The following PARG variants were observed in gnomAD, a reference collection of about 807,000 sequenced individuals.
PARG encodes the protein poly(ADP-ribose) glycohydrolase, also known as mitochondrial poly(ADP-ribose) glycohydrolase.
Under a neutral mutation model 113.0 loss-of-function variants are expected in PARG, and 35 were observed. The observed-to-expected ratio is 0.31, with a 90% CI of 0.24 to 0.41. The LOEUF (loss-of-function observed/expected upper bound fraction) is 0.41. Among genes scored for constraint, PARG ranks in the 10% least tolerant of loss-of-function variants. PARG has a pLI of 1.00. For synonymous variants in PARG, 330 were observed against 409.9 expected, an observed-to-expected ratio of 0.81 and a Z score of 2.36; for missense variants, 797 against 1,169.4, an observed-to-expected ratio of 0.68 and a Z score of 4.64.
chr10:49,825,141 C>A (rs1844289318), intron 16 of PARG, among the ~76,000 whole-genome samples: 1 of 152,174 alleles, frequency 6.6e-6, no homozygotes, highest in Non-Finnish European at 1.5e-5. Flanking sequence ...CATTTCACTT[C>A]TTGTTTCTAC....
intron 7 of PARG, chr10:49,909,725 AAACAGAATTCTG>A (rs1554845751): frequency 6.4e-6 from 1 of 156,184 alleles, no homozygotes; most frequent in Admixed American, 6.4e-5. Context: ...GCTCAAAATG[AAACAGAATTCTG>A]TTCGGGCATA....
At chr10:49,923,343 T>C (rs1209726997) in intron 4 of PARG, among the ~76,000 whole-genome samples, 1 of 152,124 alleles carries the variant, frequency 6.6e-6, no homozygotes, top group African/African-American at 2.4e-5. Context: ...TAGAGCACAC[T>C]TGTCTTCCTC....
intron 7 of PARG, among the ~76,000 whole-genome samples, chr10:49,894,620 T>G (rs1554842291): frequency 1.3e-5 from 2 of 152,218 alleles, no homozygotes; most frequent in South Asian, 2.1e-4. Context: ...CACCATTTGT[T>G]GAAAAGACAC....
At chr10:49,878,983 A>G (rs1847088308) in intron 9 of PARG, among the ~76,000 whole-genome samples, 1 of 152,228 alleles carries the variant, frequency 6.6e-6, no homozygotes, top group African/African-American at 2.4e-5. Context: ...TTAGTTTGCC[A>G]AGAAGATTCT....
intron 3 of PARG, among the ~76,000 whole-genome samples, chr10:49,932,799 T>C (rs1838555228): frequency 6.6e-6 from 1 of 151,610 alleles, no homozygotes; most frequent in Non-Finnish European, 1.5e-5. Flanking sequence ...ATACCATCTG[T>C]CTGCCTGTCA....
chr10:49,918,212 T>C (rs1837610465), intron 6 of PARG, among the ~76,000 whole-genome samples: 1 of 152,222 alleles, frequency 6.6e-6, no homozygotes, highest in Non-Finnish European at 1.5e-5. Context: ...CATGGGTATG[T>C]GTAAATGTCA....
chr10:49,908,833 T>C (rs183770657), intron 7 of PARG, among the ~76,000 whole-genome samples: 79 of 152,144 alleles, frequency 5.2e-4, no homozygotes, highest in African/African-American at 1.9e-3. Flanking sequence ...GCCACATTCC[T>C]TCAGTTACTG....
intron 15 of PARG, among the ~76,000 whole-genome samples, chr10:49,834,945 T>C (rs1844843840): frequency 6.6e-6 from 1 of 152,192 alleles, no homozygotes; most frequent in Non-Finnish European, 1.5e-5. Flanking sequence ...TTTTATTCTG[T>C]TAAGAAGCAA....
At chr10:49,925,842 T>G (rs1308006542) in intron 4 of PARG, among the ~76,000 whole-genome samples, 2 of 152,232 alleles carry the variant, frequency 1.3e-5, no homozygotes, top group Non-Finnish European at 2.9e-5. Context: ...ATTGAACACT[T>G]GAACAAAGGA....
chr10:49,931,379 G>A (rs1359857154), intron 4 of PARG, among the ~76,000 whole-genome samples: 3 of 152,010 alleles, frequency 2.0e-5, no homozygotes, highest in Non-Finnish European at 4.4e-5. Flanking sequence ...GAGTCATGCA[G>A]CTGGAGGCTA....
At position 49,854,998 on chromosome 10, in the gene PARG, A is replaced by C. The variant is rs575681827; in HGVS notation, c.2353+2308T>G. 2.0e-5 allele frequency among the ~76,000 whole-genome samples: 3 copies of C among 150,960 alleles called. No individual in the cohort carries two copies. In the East Asian group the frequency reaches 5.8e-4, roughly 29 times the overall value. On this transcript the variant is annotated intron_variant, in intron 13 of 17. Coordinates refer to ENST00000616448, the MANE Select transcript of PARG (RefSeq NM_003631.5). ...TGGCCCATACTCAAAAAAAAAAAGC[A>C]GTCAGTAGTAACTGCCCCTGAGGAG...
At chr10:49,941,183 C>G (rs1306819740) in intron 1 of PARG, among the ~76,000 whole-genome samples, 1 of 152,172 alleles carries the variant, frequency 6.6e-6, no homozygotes, top group South Asian at 2.1e-4. Flanking sequence ...GAGGCTGAAG[C>G]GCCCTACTGT....
chr10:49,850,728 T>C (rs1381793460), intron 13 of PARG, among the ~76,000 whole-genome samples: 1 of 152,194 alleles, frequency 6.6e-6, no homozygotes, highest in Admixed American at 6.5e-5. Flanking sequence ...TCAATTATCA[T>C]GTTTCTACTT....
intron 7 of PARG, among the ~76,000 whole-genome samples, chr10:49,897,639 C>A (rs1848153555): frequency 6.6e-6 from 1 of 152,136 alleles, no homozygotes; most frequent in Non-Finnish European, 1.5e-5. Context: ...TTCAAAGTAT[C>A]CTTGCAAGAT....
chr10:49,918,203 A>C (rs1234080569), intron 6 of PARG, among the ~76,000 whole-genome samples: 1 of 152,210 alleles, frequency 6.6e-6, no homozygotes, highest in East Asian at 1.9e-4. Context: ...TGGGAGCTTC[A>C]TGGGTATGTG....
At chr10:49,869,376 A>G in intron 10 of PARG, 100 bp downstream of exon 10, 1 of 671,090 alleles carries the variant, frequency 1.5e-6, no homozygotes, top group South Asian at 1.7e-5. Context: ...TGGTTGGGAC[A>G]GGAAGGTTTA....
intron 4 of PARG, among the ~76,000 whole-genome samples, chr10:49,925,386 C>T (rs868949752): frequency 3.0e-4 from 46 of 152,106 alleles, no homozygotes; most frequent in Non-Finnish European, 1.5e-4. Flanking sequence ...GATAATAACC[C>T]TTTTAACCAA....
At chr10:49,883,987 T>G (rs1358602646) in intron 8 of PARG, among the ~76,000 whole-genome samples, 1 of 151,988 alleles carries the variant, frequency 6.6e-6, no homozygotes, top group African/African-American at 2.4e-5. Flanking sequence ...TTAGCTATTA[T>G]GTCATAAGGA....
intron 6 of PARG, among the ~76,000 whole-genome samples, chr10:49,920,949 T>C (rs1837835391): frequency 6.6e-6 from 1 of 152,072 alleles, no homozygotes; most frequent in Admixed American, 6.5e-5. Context: ...TCACACAGGA[T>C]CCCTGTAGCC....
Sources: allele counts gnomAD v4.1 joint callset (sites outside exome capture counted in the v4.1 genomes callset), GRCh38; gene constraint gnomAD v4.1.1; transcripts MANE v1.5; gene names NCBI Gene and HGNC (gene_info 2026-07-23, HGNC 2026-07-21).